Variants in ZNF117 observed in about 807,000 individuals in gnomAD.
The protein encoded by ZNF117 is zinc finger protein 117, also known as Krueppel-related zinc finger protein.
ZNF117 carries 37 observed loss-of-function variants against 41.2 expected under a neutral mutation model. The observed-to-expected ratio is 0.90, with a 90% CI of 0.69 to 1.18. The LOEUF (loss-of-function observed/expected upper bound fraction) is 1.18, where lower values mean the gene tolerates loss of function less well. Among genes scored for constraint, ZNF117 ranks in the 50% most tolerant of loss-of-function variants. The pLI, the probability that ZNF117 is intolerant of heterozygous loss-of-function variation, is 0.00. For missense variants in ZNF117, 546 were observed against 557.5 expected, an observed-to-expected ratio of 0.98 and a Z score of 0.21; for synonymous variants, 186 against 186.6, an observed-to-expected ratio of 1.00 and a Z score of 0.02.
intron 1 of ZNF117, among the ~76,000 whole-genome samples, chr7:64,989,443 TTATATA>T (rs58009024): frequency 0.01 from 514 of 49,088 alleles, 6 homozygotes; most frequent in Middle Eastern, 0.019. Context: ...GAACTTAAAA[TTATATA>T]TATATATATA....
At chr7:64,973,939 T>G (rs1785822984), downstream of ZNF117, 1 of 151,966 alleles carries the variant, frequency 6.6e-6, no homozygotes, top group Non-Finnish European at 1.5e-5. Context: ...CAGGAATGTT[T>G]ACAGGTTATT....
At chr7:64,974,426 AGT>A (rs1461646929), downstream of ZNF117, 1 of 151,944 alleles carries the variant, frequency 6.6e-6, no homozygotes, top group Non-Finnish European at 1.5e-5. Flanking sequence ...TACAAAGCAG[AGT>A]ATACATTTAC....
downstream of ZNF117, chr7:64,973,449 C>T (rs1207452396): frequency 4.6e-5 from 7 of 151,812 alleles, no homozygotes; most frequent in South Asian, 2.1e-4. Flanking sequence ...TTAATAACTC[C>T]GTTTAAAAAT....
chr7:64,979,431 A>G (rs778964598), exon 3 of ZNF117: 6 of 1,610,392 alleles, frequency 3.7e-6, no homozygotes. Context: ...TCTTAACTGT[A>G]AATTCTCATA....
At chr7:64,979,281 T>C in exon 3 of ZNF117, 2 of 1,590,686 alleles carry the variant, frequency 1.3e-6, no homozygotes, top group Non-Finnish European at 1.7e-6. Context: ...CTTGTGTCTA[T>C]TTGAATTTGA....
chr7:64,986,718 C>G (rs935430368), upstream of ZNF117, among the ~76,000 whole-genome samples: 3 of 152,026 alleles, frequency 2.0e-5, no homozygotes, highest in Non-Finnish European at 4.4e-5. Context: ...TTTGTGTGAC[C>G]CAGTTCCCAG....
chr7:64,986,378 C>T (rs1786136468), upstream of ZNF117, among the ~76,000 whole-genome samples: 1 of 152,090 alleles, frequency 6.6e-6, no homozygotes. Flanking sequence ...AACAGTCATT[C>T]ATGTCATTGT....
upstream of ZNF117, among the ~76,000 whole-genome samples, chr7:64,985,544 A>G (rs1016348038): frequency 1.3e-5 from 2 of 152,252 alleles, no homozygotes; most frequent in Admixed American, 1.3e-4. Flanking sequence ...TCCTAGACAA[A>G]GACAATCCCA....
At chr7:64,974,761 T>G (rs1785843618) in exon 3 of ZNF117, 1 of 151,900 alleles carries the variant, frequency 6.6e-6, no homozygotes, top group South Asian at 2.1e-4. Flanking sequence ...GTATATAATT[T>G]TTATTATACC....
chr7:64,975,004 A>T, exon 3 of ZNF117: 1 of 74,842 alleles, frequency 1.3e-5, no homozygotes, highest in Non-Finnish European at 3.9e-5. Flanking sequence ...TTAAATAAGA[A>T]AAAGAATAAA....
At chr7:64,988,457 A>T (rs1411765950) in intron 1 of ZNF117, among the ~76,000 whole-genome samples, 1 of 152,228 alleles carries the variant, frequency 6.6e-6, no homozygotes, top group Non-Finnish European at 1.5e-5. Flanking sequence ...ACATACTTCA[A>T]AATAATGAAT....
chr7:64,978,205 G>T, exon 3 of ZNF117: 8 of 1,610,646 alleles, frequency 5.0e-6, no homozygotes, highest in Non-Finnish European at 6.8e-6. Flanking sequence ...GTTGAAGATT[G>T]GTTAAAAGCT....
exon 3 of ZNF117, chr7:64,978,577 G>C: frequency 6.2e-7 from 1 of 1,612,858 alleles, no homozygotes; most frequent in East Asian, 2.2e-5. Context: ...CATTTGTAGG[G>C]TTTCTCTCCA....
chr7:64,979,352 C>T, exon 3 of ZNF117: 2 of 1,596,224 alleles, frequency 1.3e-6, no homozygotes, highest in Non-Finnish European at 1.7e-6. Flanking sequence ...AGGTAGTTTT[C>T]AAACATTGGT....
At chr7:64,974,611 G>A (rs1785840340) in exon 3 of ZNF117, 1 of 151,822 alleles carries the variant, frequency 6.6e-6, no homozygotes. Context: ...TATGGGTATA[G>A]TTAACTCTAT....
At chr7:64,982,002 G>C (rs1775603195) in exon 1 of ZNF117, 1 of 695,048 alleles carries the variant, frequency 1.4e-6, no homozygotes, top group Non-Finnish European at 2.5e-6. Context: ...AAGAAAACCA[G>C]GTTTCTGTAG....
chr7:64,976,926 T>C (rs768719852), exon 3 of ZNF117: 1 of 523,736 alleles, frequency 1.9e-6, no homozygotes, highest in Non-Finnish European at 3.9e-6. Flanking sequence ...AATTGTCTTA[T>C]GTGGAGTAAG....
At chr7:64,980,312 A>G (rs1785999023) in intron 2 of ZNF117, 1 of 152,048 alleles carries the variant, frequency 6.6e-6, no homozygotes, top group South Asian at 2.1e-4. Context: ...ATTACAATGC[A>G]TACAAAATTT....
chr7:64,989,466 T>C (rs1316030838), intron 1 of ZNF117, among the ~76,000 whole-genome samples: 2 of 61,200 alleles, frequency 3.3e-5, no homozygotes, highest in South Asian at 4.7e-4. Flanking sequence ...TATATATATA[T>C]ATATATATAT....
Sources: gnomAD v4.1 joint callset for allele counts (sites outside exome capture counted in the v4.1 genomes callset) on GRCh38, gnomAD v4.1.1 for gene constraint, MANE v1.5 for transcripts, NCBI Gene and HGNC (gene_info 2026-07-23, HGNC 2026-07-21) for gene names.